Variants in CMSS1 observed in about 807,000 individuals in gnomAD.
The protein encoded by CMSS1 is cms1 ribosomal small subunit homolog.
A neutral mutation model predicts 43.5 loss-of-function variants in CMSS1; 33 were observed. The observed-to-expected ratio is 0.76, with a 90% CI of 0.57 to 1.01. CMSS1 has a LOEUF of 1.01. CMSS1 is among the 50% of genes least tolerant of loss of function. The pLI is 0.00. For synonymous variants in CMSS1, 115 were observed against 117.2 expected (o/e 0.98, Z 0.12); for missense variants, 313 against 326.4 (o/e 0.96, Z 0.32).
chr3:99,881,537 CT>C (rs767566245), intron 1 of CMSS1, among the ~76,000 whole-genome samples: 231 of 144,686 alleles, frequency 1.6e-3, no homozygotes, highest in South Asian at 5.3e-3. Context: ...CTCTCTCTCT[CT>C]TTTTTTTTTT....
At chr3:100,093,021 A>G (rs957938707) in intron 1 of CMSS1, among the ~76,000 whole-genome samples, 1 of 152,122 alleles carries the variant, frequency 6.6e-6, no homozygotes. Flanking sequence ...GTGGGGTTTC[A>G]TAAATACGTT....
intron 1 of CMSS1, chr3:99,930,151 T>C (rs754291252): frequency 4.3e-4 from 330 of 774,968 alleles, no homozygotes; most frequent in Non-Finnish European, 6.3e-4. Flanking sequence ...TCATATTTCA[T>C]TTTCACACTT....
At chr3:99,843,469 G>A (rs190418253) in intron 1 of CMSS1, among the ~76,000 whole-genome samples, 1 of 152,296 alleles carries the variant, frequency 6.6e-6, no homozygotes, top group East Asian at 1.9e-4. Context: ...TACTACAGAT[G>A]TAATTTAAAG....
rs2067148934 is a variant in CMSS1 at position 100,176,426 on chromosome 3, A to T, written c.756+11A>T. 2 of 1,572,730 alleles carry T rather than the reference A, an allele frequency of 1.3e-6. No individual in the cohort carries two copies. The highest frequency in any genetic ancestry group is 1.7e-5 in the Admixed American group (1 of 59,682). On this transcript the variant is annotated intron_variant, in intron 9 of 9. Coordinates refer to ENST00000421999, the MANE Select transcript of CMSS1 (RefSeq NM_032359.4). ...ATGGACATTCCCGAGGTACCACGTAACCAGCAGTTGCCTTTAATCATTTTT... is the reference window on the plus strand; with the variant it reads ...ATGGACATTCCCGAGGTACCACGTATCCAGCAGTTGCCTTTAATCATTTTT...
intron 1 of CMSS1, among the ~76,000 whole-genome samples, chr3:99,926,456 C>A: frequency 6.6e-6 from 1 of 152,196 alleles, no homozygotes; most frequent in East Asian, 1.9e-4. Context: ...AAAATTTTAT[C>A]TTCAGTTGCC....
At chr3:99,892,512 T>C (rs971577041) in intron 1 of CMSS1, among the ~76,000 whole-genome samples, 14 of 152,208 alleles carry the variant, frequency 9.2e-5, no homozygotes, top group African/African-American at 3.4e-4. Flanking sequence ...GTTCTAGACA[T>C]AGCATGTTGC....
chr3:100,059,950 TAAATCACATATGTATG>T (rs910058493), intron 1 of CMSS1, among the ~76,000 whole-genome samples: 7 of 151,254 alleles, frequency 4.6e-5, no homozygotes, highest in Admixed American at 2.0e-4. Context: ...GTTAGTGAGG[TAAATCACATATGTATG>T]AAATGATTAA....
At chr3:99,909,340 AC>A (rs1009318471) in intron 1 of CMSS1, among the ~76,000 whole-genome samples, 10 of 152,156 alleles carry the variant, frequency 6.6e-5, no homozygotes, top group Non-Finnish European at 1.5e-4. Context: ...TATACACTGT[AC>A]CATGTGCTTG....
At chr3:100,145,372 C>T (rs776519952) in intron 1 of CMSS1, among the ~76,000 whole-genome samples, 1 of 151,776 alleles carries the variant, frequency 6.6e-6, no homozygotes, top group African/African-American at 2.4e-5. Context: ...CGCTTGAATC[C>T]GGGAGGCGGA....
At chr3:99,906,923 G>A (rs12486901) in intron 1 of CMSS1, among the ~76,000 whole-genome samples, 14,636 of 152,148 alleles carry the variant, frequency 0.096, 838 homozygotes, top group African/African-American at 0.16. Flanking sequence ...TTGATCATGT[G>A]GATGAAGACA....
intron 1 of CMSS1, among the ~76,000 whole-genome samples, chr3:100,076,527 G>A (rs1349770518): frequency 6.6e-6 from 1 of 152,180 alleles, no homozygotes; most frequent in African/African-American, 2.4e-5. Context: ...GTGGGTTACA[G>A]TATCTATCTG....
intron 1 of CMSS1, among the ~76,000 whole-genome samples, chr3:99,859,346 C>A (rs1944127889): frequency 6.6e-6 from 1 of 152,220 alleles, no homozygotes; most frequent in Non-Finnish European, 1.5e-5. Flanking sequence ...CTCCCAGTAA[C>A]AACCAAATAG....
intron 1 of CMSS1, among the ~76,000 whole-genome samples, chr3:99,985,262 T>A (rs566602290): frequency 3.3e-5 from 5 of 152,294 alleles, no homozygotes; most frequent in African/African-American, 1.2e-4. Context: ...CCCATCATGG[T>A]GGCTCACGCC....
chr3:99,964,107 T>A (rs1473290622), intron 1 of CMSS1, among the ~76,000 whole-genome samples: 1 of 152,142 alleles, frequency 6.6e-6, no homozygotes, highest in Admixed American at 6.5e-5. Flanking sequence ...AGACTCGTTC[T>A]GTGGTGCAGA....
chr3:100,104,625 G>A (rs1014060928), intron 1 of CMSS1, among the ~76,000 whole-genome samples: 1 of 152,172 alleles, frequency 6.6e-6, no homozygotes, highest in African/African-American at 2.4e-5. Context: ...TGCATGCCCA[G>A]GAATCTAAAA....
intron 1 of CMSS1, among the ~76,000 whole-genome samples, chr3:100,134,170 T>C (rs2066731951): frequency 6.6e-6 from 1 of 152,176 alleles, no homozygotes; most frequent in South Asian, 2.1e-4. Context: ...CATACCCACA[T>C]GTGGGCCACA....
intron 1 of CMSS1, among the ~76,000 whole-genome samples, chr3:99,840,170 G>A (rs1218009324): frequency 6.6e-6 from 1 of 151,610 alleles, no homozygotes; most frequent in Non-Finnish European, 1.5e-5. Context: ...AAAGAATAAT[G>A]GGGAGAAAAA....
intron 1 of CMSS1, among the ~76,000 whole-genome samples, chr3:99,971,146 G>A (rs1325503284): frequency 6.6e-6 from 1 of 152,124 alleles, no homozygotes; most frequent in Non-Finnish European, 1.5e-5. Context: ...GACCATCCTG[G>A]CTAACATGGT....
At chr3:99,930,731 G>A (rs780321897) in intron 1 of CMSS1, 10 of 1,605,048 alleles carry the variant, frequency 6.2e-6, no homozygotes, top group East Asian at 4.5e-5. Context: ...GCAGCCTTCT[G>A]TTTGAAGCAT....
Sources: gnomAD v4.1 joint callset for allele counts (sites outside exome capture counted in the v4.1 genomes callset) on GRCh38, gnomAD v4.1.1 for gene constraint, MANE v1.5 for transcripts, NCBI Gene and HGNC (gene_info 2026-07-23, HGNC 2026-07-21) for gene names.